The following UTRN variants were observed in gnomAD, a reference collection of about 807,000 sequenced individuals.
The protein encoded by UTRN is utrophin.
UTRN carries 283 observed loss-of-function variants against 463.9 expected under a neutral mutation model. The observed-to-expected ratio is 0.61, with a 90% CI of 0.55 to 0.67. UTRN has a LOEUF of 0.67. UTRN is among the 30% of genes least tolerant of loss of function. The pLI is 0.00. For synonymous variants in UTRN, 1,442 were observed against 1,431.5 expected (o/e 1.01, Z -0.17); for missense variants, 3,922 against 4,084.3 (o/e 0.96, Z 1.08).
chr6:144,542,036 A>G (rs1585191587), intron 45 of UTRN, among the ~76,000 whole-genome samples: 1 of 152,262 alleles, frequency 6.6e-6, no homozygotes, highest in African/African-American at 2.4e-5. Flanking sequence ...CATCACAAGG[A>G]ATTTGAGCTC....
chr6:144,748,262 G>C lies in UTRN; in HGVS notation c.7956G>C (p.Glu2652Asp), dbSNP rs978478407. ...LQSKTELTPE[E>D]RAQKIAKAMR... ...TAATCACAGAATTAACTCCTGAGGAGAGAGCCCAAAAGATTGCCAAAGCCA... is the reference window on the plus strand; with the variant it reads ...TAATCACAGAATTAACTCCTGAGGACAGAGCCCAAAAGATTGCCAAAGCCA... Residue 2652 changes from glutamate to aspartate, a missense_variant, in exon 55 of 75, where the codon GAG (glutamate) becomes GAC (aspartate). Glu to Asp is a conservative substitution (Grantham distance 45). Around this residue, in one of 3 missense-constraint regions of UTRN, gnomAD observed 1,309 missense variants for 1,452.6 expected, o/e 0.90. Coordinates refer to ENST00000367545, the MANE Select transcript of UTRN (RefSeq NM_007124.3). The C allele has an allele frequency of 6.2e-7, 1 of 1,611,208 alleles. No individual in the cohort carries two copies. The highest frequency in any genetic ancestry group is 8.5e-7 in the Non-Finnish European group (1 of 1,179,664).
intron 35 of UTRN, among the ~76,000 whole-genome samples, 182 bp downstream of exon 35, chr6:144,511,305 G>T (rs569908925): frequency 1.3e-5 from 2 of 152,290 alleles, no homozygotes; most frequent in Admixed American, 6.5e-5. Context: ...TAACTAGAAA[G>T]AATTTACAGT....
chr6:144,301,554 T>C (rs1374619367), intron 2 of UTRN, among the ~76,000 whole-genome samples: 1 of 142,794 alleles, frequency 7.0e-6, no homozygotes, highest in African/African-American at 2.7e-5. Context: ...TTTTTTTTTT[T>C]TTTTTTTGAG....
chr6:144,287,977 G>C (rs539778362), intron 1 of UTRN, among the ~76,000 whole-genome samples: 3 of 152,176 alleles, frequency 2.0e-5, no homozygotes, highest in Non-Finnish European at 2.9e-5. Flanking sequence ...TGTGGAAGAC[G>C]GAGGGTCACA....
chr6:144,524,530 C>T (rs1012921008), intron 41 of UTRN, among the ~76,000 whole-genome samples: 19 of 151,590 alleles, frequency 1.3e-4, no homozygotes, highest in South Asian at 2.1e-4. Flanking sequence ...AATTTTTGTA[C>T]GTCAATTTTG....
intron 2 of UTRN, among the ~76,000 whole-genome samples, chr6:144,310,291 C>CT (rs147119405): frequency 0.029 from 4,399 of 152,022 alleles, 203 homozygotes; most frequent in African/African-American, 0.098. Flanking sequence ...AATCCCAGCA[C>CT]TTTGGGAGGC....
At chr6:144,510,147 T>G (rs1795052588) in intron 34 of UTRN, among the ~76,000 whole-genome samples, 1 of 152,232 alleles carries the variant, frequency 6.6e-6, no homozygotes, top group Non-Finnish European at 1.5e-5. Context: ...ATGATTGGTT[T>G]AAATGTTGAT....
chr6:144,564,326 A>C lies in UTRN; in HGVS notation c.7289+7015A>C, dbSNP rs568902650. Among the ~76,000 whole-genome samples the C allele has an allele frequency of 6.6e-5, 10 of 152,340 alleles. No homozygotes were observed. The South Asian group carries it at 2.1e-3, about 32-fold the overall frequency. The stretch of plus-strand genomic sequence containing the variant: ...TGGTTCTGAAGGTTAAGAAGGAACC[A>C]TCTGAAGAAAATTACAGAGTGAACA... On this transcript the variant is annotated intron_variant, in intron 50 of 74. Transcript: ENST00000367545.
intron 64 of UTRN, 22 bp downstream of exon 64, chr6:144,798,012 G>A (rs548220211): frequency 6.2e-7 from 1 of 1,613,666 alleles, no homozygotes; most frequent in African/African-American, 1.3e-5. Flanking sequence ...CAGTGCTGGA[G>A]GAGGCTATTT....
chr6:144,420,701 T>A (rs769100307), intron 3 of UTRN, among the ~76,000 whole-genome samples: 1 of 152,172 alleles, frequency 6.6e-6, no homozygotes, highest in Non-Finnish European at 1.5e-5. Flanking sequence ...TGTTAAGAAA[T>A]TAATAACCAG....
chr6:144,578,869 G>A lies in UTRN; in HGVS notation c.7479+1581G>A, dbSNP rs182902721. ...CTGAAAACATGAAAAAGACCATTTTGTAAAATGTCAACAAATGTGTGGATC... is the reference window on the plus strand; with the variant it reads ...CTGAAAACATGAAAAAGACCATTTTATAAAATGTCAACAAATGTGTGGATC... On this transcript the variant is annotated intron_variant, in intron 51 of 74. Coordinates refer to ENST00000367545, the MANE Select transcript of UTRN (RefSeq NM_007124.3). Among the ~76,000 whole-genome samples the A allele has an allele frequency of 1.2e-3, 184 of 152,268 alleles. 2 individuals are homozygous for A. Among genetic ancestry groups the A allele is most frequent in the Middle Eastern group, 3.4e-3 (1 of 294 alleles).
At chr6:144,609,504 A>G (rs1805243131) in intron 51 of UTRN, among the ~76,000 whole-genome samples, 1 of 152,224 alleles carries the variant, frequency 6.6e-6, no homozygotes, top group African/African-American at 2.4e-5. Context: ...GGACCACAGC[A>G]TCCCACTTTG....
chr6:144,437,854 C>A, intron 11 of UTRN, 108 bp downstream of exon 11: 2 of 1,181,602 alleles, frequency 1.7e-6, no homozygotes, highest in Non-Finnish European at 2.3e-6. Context: ...CAGAACTTGC[C>A]TTGGAAAAGT....
At chr6:144,369,118 T>TC in intron 2 of UTRN, among the ~76,000 whole-genome samples, 1 of 152,278 alleles carries the variant, frequency 6.6e-6, no homozygotes, top group Non-Finnish European at 1.5e-5. Context: ...GCATTATTTT[T>TC]CTCATAACTT....
chr6:144,691,578 A>G (rs1388496268), intron 52 of UTRN, among the ~76,000 whole-genome samples: 1 of 151,944 alleles, frequency 6.6e-6, no homozygotes, highest in Non-Finnish European at 1.5e-5. Context: ...AATCCCTTCT[A>G]CCTAGTTTGG....
intron 55 of UTRN, among the ~76,000 whole-genome samples, chr6:144,749,069 T>G (rs1791085294): frequency 6.6e-6 from 1 of 152,170 alleles, no homozygotes; most frequent in African/African-American, 2.4e-5. Context: ...TGTATATTAA[T>G]GAAGAATTAG....
Position 144,748,260 on chromosome 6 carries a change from G to C in UTRN, c.7954G>C (p.Glu2652Gln), listed in dbSNP as rs752561031. 3 of 1,611,084 alleles carry C rather than the reference G, an allele frequency of 1.9e-6. No homozygotes were observed. The highest frequency in any genetic ancestry group is 2.5e-6 in the Non-Finnish European group (3 of 1,179,628). ...LQSKTELTPE[E>Q]RAQKIAKAMR... is the part of the protein sequence containing the mutation. ...TTTAATCACAGAATTAACTCCTGAG[G>C]AGAGAGCCCAAAAGATTGCCAAAGC... The change falls in exon 55 of 75, where the codon GAG (glutamate) becomes CAG (glutamine). Residue 2652 changes from glutamate (E) to glutamine (Q), a missense_variant. This residue lies in a region of UTRN where 1,309 missense variants were observed against 1,452.6 expected (regional missense o/e 0.90). Coordinates refer to ENST00000367545, the MANE Select transcript of UTRN (RefSeq NM_007124.3).
intron 53 of UTRN, among the ~76,000 whole-genome samples, chr6:144,719,427 AT>A (rs1169196110): frequency 6.6e-6 from 1 of 152,116 alleles, no homozygotes. Flanking sequence ...AATATAAAAA[AT>A]TATCTGGGCG....
Position 144,322,016 on chromosome 6 carries a change from G to A in UTRN, c.79+30109G>A, listed in dbSNP as rs531162863. 3.9e-5 allele frequency among the ~76,000 whole-genome samples: 6 copies of A among 152,112 alleles called. 1 individual carries two copies. Among genetic ancestry groups the A allele is most frequent in the African/African-American group, 1.4e-4 (6 of 41,426 alleles). ...TGACTTCAAGCGATCCACCCGCCTC[G>A]GCCTCCCACAGTCCTGGGATTACGG... is the stretch of plus-strand genomic sequence containing the variant. On this transcript the variant is annotated intron_variant, in intron 2 of 74. Transcript: ENST00000367545.
Sources: gnomAD v4.1 joint callset for allele counts (sites outside exome capture counted in the v4.1 genomes callset) on GRCh38, gnomAD v4.1.1 for gene constraint, gnomAD v4.1.1 regional missense constraint, MANE v1.5 for transcripts, NCBI Gene and HGNC (gene_info 2026-07-23, HGNC 2026-07-21) for gene names.